Variants in KLHL18 observed in about 807,000 individuals in gnomAD.
KLHL18 encodes the protein kelch-like protein 18.
KLHL18 carries 38 observed loss-of-function variants against 58.5 expected under a neutral mutation model. The ratio of observed to expected loss-of-function variants is 0.65; its 90% CI spans 0.50 to 0.85. The LOEUF (loss-of-function observed/expected upper bound fraction) is 0.85, where lower values mean the gene tolerates loss of function less well. Ranked by LOEUF, KLHL18 falls within the 40% of genes least tolerant of loss-of-function variation. The pLI, the probability that KLHL18 is intolerant of heterozygous loss-of-function variation, is 0.00. For synonymous variants in KLHL18, 303 were observed against 301.9 expected (o/e 1.00, Z -0.04); for missense variants, 624 against 778.4 (o/e 0.80, Z 2.36).
At chr3:47,292,581 A>G (rs1343602537) in intron 1 of KLHL18, among the ~76,000 whole-genome samples, 2 of 152,066 alleles carry the variant, frequency 1.3e-5, no homozygotes, top group Non-Finnish European at 2.9e-5. Context: ...AAGCAACCCA[A>G]GGGTCTACCA....
intron 1 of KLHL18, 109 bp from the exon 2 acceptor site, chr3:47,319,544 A>T: frequency 8.4e-7 from 1 of 1,185,680 alleles, no homozygotes; most frequent in Non-Finnish European, 1.2e-6. Flanking sequence ...TGCAGTGGGC[A>T]GTGGGGTATG....
intron 1 of KLHL18, among the ~76,000 whole-genome samples, chr3:47,318,693 G>A (rs1046418292): frequency 2.0e-5 from 3 of 152,210 alleles, no homozygotes; most frequent in East Asian, 1.9e-4. Context: ...AGTAGGAATC[G>A]CGGGCAAGGA....
At chr3:47,327,420 C>G (rs17079584) in intron 3 of KLHL18, among the ~76,000 whole-genome samples, 1 of 152,166 alleles carries the variant, frequency 6.6e-6, no homozygotes, top group Non-Finnish European at 1.5e-5. Flanking sequence ...GCTTCTGCCC[C>G]GTGGCATTTT....
At chr3:47,316,548 CATATATACATATATAT>C (rs1559495602) in intron 1 of KLHL18, among the ~76,000 whole-genome samples, 15 of 7,324 alleles carry the variant, frequency 2.0e-3, no homozygotes, top group Non-Finnish European at 5.3e-3. Flanking sequence ...TACATATATA[CATATATACATATATAT>C]GTATATGTGT....
At chr3:47,305,639 C>T (rs1703129423) in intron 1 of KLHL18, among the ~76,000 whole-genome samples, 1 of 151,812 alleles carries the variant, frequency 6.6e-6, no homozygotes, top group Non-Finnish European at 1.5e-5. Context: ...TTGGAGTTAT[C>T]CCTTAATCTT....
intron 4 of KLHL18, among the ~76,000 whole-genome samples, chr3:47,331,425 C>CT (rs71098479): frequency 0.02 from 1,160 of 58,500 alleles, 15 homozygotes; most frequent in Middle Eastern, 0.036. Context: ...CATGCCAGGC[C>CT]TTTTTTTTTT....
Position 47,343,962 on chromosome 3 carries a change from G to A in KLHL18, c.*21G>A, listed in dbSNP as rs1471415595. The A allele has an allele frequency of 1.9e-6, 3 of 1,610,082 alleles. No homozygotes were observed. Among genetic ancestry groups the A allele is most frequent in the African/African-American group, 1.3e-5 (1 of 74,958 alleles). Reference sequence around the variant, plus strand: ...TCTAAGGCAGAGGATGGGATGTGGTGGGGCAGGGATCTGGTACAGACATAG... The same window carrying A: ...TCTAAGGCAGAGGATGGGATGTGGTAGGGCAGGGATCTGGTACAGACATAG... On this transcript the variant is annotated 3_prime_UTR_variant, in exon 10 of 10. Transcript: ENST00000232766.
chr3:47,330,034 T>G lies in KLHL18; in HGVS notation c.485T>G (p.Phe162Cys). 6.2e-7 allele frequency: 1 copy of G among 1,614,190 alleles called. No individual in the cohort carries two copies. The highest frequency in any genetic ancestry group is 1.3e-5 in the African/African-American group (1 of 75,050). The stretch of plus-strand genomic sequence containing the variant: ...GTGCTGTACGACGCTGCCAACAGCT[T>G]CATCCACCAGCACTTTGTGGAGGTG... ...CAVLYDAANSFIHQHFVEVSM... is the reference protein window; with the variant it reads ...CAVLYDAANSCIHQHFVEVSM... The change falls in exon 4 of 10, where the codon TTC becomes TGC. Residue 162 changes from phenylalanine (F) to cysteine (C), a missense_variant. Physicochemically the swap from Phe to Cys is radical, Grantham distance 205. Coordinates refer to ENST00000232766, the MANE Select transcript of KLHL18 (RefSeq NM_025010.5).
chr3:47,335,489 G>A (rs1470962196), intron 6 of KLHL18, among the ~76,000 whole-genome samples: 1 of 152,092 alleles, frequency 6.6e-6, no homozygotes, highest in African/African-American at 2.4e-5. Flanking sequence ...CTCCCAGGCA[G>A]TTTTGTTTTT....
chr3:47,295,817 C>G (rs1245625491), intron 1 of KLHL18, among the ~76,000 whole-genome samples: 1 of 151,992 alleles, frequency 6.6e-6, no homozygotes, highest in Non-Finnish European at 1.5e-5. Flanking sequence ...TGGCCTCAGG[C>G]AATCCTCCCA....
At chr3:47,316,650 T>TATATATACATATATAC (rs2107622080) in intron 1 of KLHL18, among the ~76,000 whole-genome samples, 1 of 142,608 alleles carries the variant, frequency 7.0e-6, no homozygotes, top group East Asian at 2.0e-4. Flanking sequence ...TATATGTGTG[T>TATATATACATATATAC]GTATATATAC....
In KLHL18 at chr3:47,334,516, T is replaced by C. The variant is rs1449992592; in HGVS notation, c.762-167T>C. Among the ~76,000 whole-genome samples the C allele has an allele frequency of 2.0e-5, 3 of 152,184 alleles. No individual in the cohort carries two copies. Among genetic ancestry groups the C allele is most frequent in the African/African-American group, 7.2e-5 (3 of 41,436 alleles). On this transcript the variant is annotated intron_variant, in intron 5 of 9. Coordinates refer to ENST00000232766, the MANE Select transcript of KLHL18 (RefSeq NM_025010.5). This position sits in a 1 kb window ranked among gnomAD's most constrained non-coding sequence, Gnocchi z 4.7. ...TTTTGAGTATATCTCAGTAGCCATG[T>C]ATGATTTTCCCAGAACTCACCTGGT...
At chr3:47,316,469 A>G (rs1576160781) in intron 1 of KLHL18, among the ~76,000 whole-genome samples, 1 of 116,362 alleles carries the variant, frequency 8.6e-6, no homozygotes, top group East Asian at 2.4e-4. Flanking sequence ...AAATATATAT[A>G]TATGTATATA....
intron 6 of KLHL18, among the ~76,000 whole-genome samples, chr3:47,335,763 C>T (rs1051779153): frequency 6.6e-6 from 1 of 152,170 alleles, no homozygotes; most frequent in African/African-American, 2.4e-5. Context: ...CCACCTTGGC[C>T]TCCCAAAGTG....
chr3:47,317,652 C>G (rs1480054844), intron 1 of KLHL18, among the ~76,000 whole-genome samples: 2 of 152,104 alleles, frequency 1.3e-5, no homozygotes, highest in Non-Finnish European at 2.9e-5. Context: ...GAAATATATA[C>G]TGACAGTATA....
At chr3:47,315,406 A>G (rs1395337145) in intron 1 of KLHL18, among the ~76,000 whole-genome samples, 3 of 152,230 alleles carry the variant, frequency 2.0e-5, no homozygotes, top group Admixed American at 2.0e-4. Context: ...CACCAAGCAT[A>G]GGAGAAAGGG....
chr3:47,288,588 G>T (rs1281295762), intron 1 of KLHL18, among the ~76,000 whole-genome samples: 2 of 152,052 alleles, frequency 1.3e-5, no homozygotes, highest in Non-Finnish European at 2.9e-5. Context: ...AAAATTAACT[G>T]CCAACACTTG....
At chr3:47,310,575 C>T (rs1440914950) in intron 1 of KLHL18, among the ~76,000 whole-genome samples, 1 of 152,226 alleles carries the variant, frequency 6.6e-6, no homozygotes, top group Non-Finnish European at 1.5e-5. Context: ...ACTCTGTCAT[C>T]CACTTTCTAC....
At chr3:47,305,300 A>AT (rs1377471463) in intron 1 of KLHL18, among the ~76,000 whole-genome samples, 1 of 123,144 alleles carries the variant, frequency 8.1e-6, no homozygotes, top group Non-Finnish European at 1.7e-5. Flanking sequence ...TGTTCTGAGA[A>AT]TTTTTATTAT....
Sources: allele counts gnomAD v4.1 joint callset (sites outside exome capture counted in the v4.1 genomes callset), GRCh38; gene constraint gnomAD v4.1.1; non-coding constraint Gnocchi (gnomAD v3.1); transcripts MANE v1.5; gene names NCBI Gene and HGNC (gene_info 2026-07-23, HGNC 2026-07-21).